REEP3: variants seen among roughly 807,000 people sequenced by gnomAD.
The protein encoded by REEP3 is receptor expression-enhancing protein 3.
REEP3 carries 20 observed loss-of-function variants against 41.3 expected under a neutral mutation model. That is an observed-to-expected ratio of 0.48 (90% CI 0.34 to 0.70). The LOEUF (loss-of-function observed/expected upper bound fraction) is 0.70, where lower values mean the gene tolerates loss of function less well. Ranked by LOEUF, REEP3 falls within the 30% of genes least tolerant of loss-of-function variation. The pLI is 0.01. For missense variants in REEP3, 271 were observed against 308.8 expected (o/e 0.88, Z 0.92); for synonymous variants, 104 against 101.8 (o/e 1.02, Z -0.13).
Position 63,571,670 on chromosome 10 carries a change from C to T in REEP3, c.105+5260C>T, listed in dbSNP as rs566209953. Among the ~76,000 whole-genome samples the T allele has an allele frequency of 9.2e-5, 14 of 152,326 alleles. 1 individual carries two copies. The South Asian group carries it at 2.7e-3, about 29-fold the overall frequency. On this transcript the variant is annotated intron_variant, in intron 2 of 7. Transcript: ENST00000373758. ...ATTTCTCCTTTACGGTGTAACCTAA[C>T]ATACTCAGTTTCCAGAGATTAAGAC...
In REEP3 at chr10:63,619,896, G is replaced by T; in HGVS notation, c.711+96G>T. 5 of 724,530 alleles carry T rather than the reference G, an allele frequency of 6.9e-6. No individual in the cohort carries two copies. In the South Asian group the frequency reaches 8.6e-5, roughly 12 times the overall value. 44.9% of individuals were successfully genotyped at this position (724,530 alleles called of 1,614,324 possible). A position where few individuals can be genotyped will look rare whatever the true frequency, so the allele number is the denominator to read the frequency against. Reference sequence around the variant, plus strand: ...ATTAATGATCCATAAATGAAGGATTGGAATGGTAGAACAGCAGTTTGATTT... The same window carrying T: ...ATTAATGATCCATAAATGAAGGATTTGAATGGTAGAACAGCAGTTTGATTT... On this transcript the variant is annotated intron_variant, in intron 7 of 7. Transcript: ENST00000373758.
intron 1 of REEP3, among the ~76,000 whole-genome samples, chr10:63,555,086 A>G (rs1955664996): frequency 6.6e-6 from 1 of 152,214 alleles, no homozygotes; most frequent in African/African-American, 2.4e-5. Flanking sequence ...TGTAGCTCCA[A>G]TTTAGCTAAG....
chr10:63,536,800 T>C (rs1004619817), intron 1 of REEP3, among the ~76,000 whole-genome samples: 1 of 152,196 alleles, frequency 6.6e-6, no homozygotes, highest in East Asian at 1.9e-4. Context: ...TACAACCACA[T>C]TGAAATTCCA....
intron 1 of REEP3, among the ~76,000 whole-genome samples, chr10:63,533,137 G>C (rs1283226812): frequency 6.6e-6 from 1 of 152,180 alleles, no homozygotes; most frequent in Non-Finnish European, 1.5e-5. Context: ...GAGGCATAAA[G>C]GCAGGGTAGA....
intron 1 of REEP3, among the ~76,000 whole-genome samples, chr10:63,538,539 G>C (rs1422728690): frequency 6.6e-6 from 1 of 152,120 alleles, no homozygotes; most frequent in Non-Finnish European, 1.5e-5. Context: ...TTCAAGATCA[G>C]CCTGGCCAAC....
intron 1 of REEP3, among the ~76,000 whole-genome samples, chr10:63,525,691 T>C (rs1030945258): frequency 5.3e-5 from 8 of 152,214 alleles, no homozygotes; most frequent in Non-Finnish European, 8.8e-5. Flanking sequence ...AGTGCTGGGA[T>C]TACAGGCATG....
chr10:63,528,207 G>A (rs1955384954), intron 1 of REEP3, among the ~76,000 whole-genome samples: 1 of 152,126 alleles, frequency 6.6e-6, no homozygotes, highest in South Asian at 2.1e-4. Context: ...GGAAACATCT[G>A]AAAGTCAGAC....
intron 2 of REEP3, among the ~76,000 whole-genome samples, chr10:63,572,628 A>C (rs977858423): frequency 6.6e-6 from 1 of 152,146 alleles, no homozygotes; most frequent in African/African-American, 2.4e-5. Flanking sequence ...TGTTTTATAC[A>C]TGGTATTTTC....
At chr10:63,537,662 G>A (rs1305211862) in intron 1 of REEP3, among the ~76,000 whole-genome samples, 2 of 152,164 alleles carry the variant, frequency 1.3e-5, no homozygotes, top group South Asian at 2.1e-4. Flanking sequence ...AGGTAGCAAC[G>A]GAAAGGAGAG....
At chr10:63,608,339 T>C (rs1004304577) in intron 5 of REEP3, among the ~76,000 whole-genome samples, 4 of 152,362 alleles carry the variant, frequency 2.6e-5, no homozygotes, top group African/African-American at 9.6e-5. Context: ...AAAAATATGG[T>C]AGAAATACGC....
chr10:63,554,792 C>G (rs1337648029), intron 1 of REEP3, among the ~76,000 whole-genome samples: 4 of 152,188 alleles, frequency 2.6e-5, no homozygotes, highest in Non-Finnish European at 4.4e-5. Context: ...CTGTGGTACT[C>G]TACCCACAGG....
At chr10:63,615,137 T>G (rs1221989657) in intron 6 of REEP3, among the ~76,000 whole-genome samples, 1 of 152,214 alleles carries the variant, frequency 6.6e-6, no homozygotes, top group African/African-American at 2.4e-5. Context: ...TTTTTAAATG[T>G]ATATACATAA....
At chr10:63,580,222 A>G (rs1955939305) in intron 2 of REEP3, among the ~76,000 whole-genome samples, 1 of 151,986 alleles carries the variant, frequency 6.6e-6, no homozygotes, top group African/African-American at 2.4e-5. Flanking sequence ...CACAGCCTCA[A>G]CCTCCTGGGC....
At chr10:63,549,761 T>A (rs1955611124) in intron 1 of REEP3, among the ~76,000 whole-genome samples, 1 of 152,166 alleles carries the variant, frequency 6.6e-6, no homozygotes, top group Admixed American at 6.5e-5. Context: ...TGTTGGAATG[T>A]TAGGGTACAG....
chr10:63,579,596 A>G (rs756623149), intron 2 of REEP3, among the ~76,000 whole-genome samples: 30 of 152,350 alleles, frequency 2.0e-4, no homozygotes, highest in African/African-American at 6.5e-4. Flanking sequence ...TTAGCTTCCA[A>G]TGAAAATGCT....
chr10:63,557,400 A>G (rs1033044050), intron 1 of REEP3, among the ~76,000 whole-genome samples: 3 of 152,196 alleles, frequency 2.0e-5, no homozygotes, highest in African/African-American at 7.2e-5. Flanking sequence ...AATAAATGTT[A>G]TATGTATAAC....
At chr10:63,549,974 C>G (rs1745110031) in intron 1 of REEP3, among the ~76,000 whole-genome samples, 1 of 152,160 alleles carries the variant, frequency 6.6e-6, no homozygotes, top group Admixed American at 6.5e-5. Flanking sequence ...AGAGGCTGGC[C>G]AGCAAGGGGT....
At chr10:63,601,334 A>C (rs935863461) in intron 5 of REEP3, among the ~76,000 whole-genome samples, 1 of 152,180 alleles carries the variant, frequency 6.6e-6, no homozygotes, top group African/African-American at 2.4e-5. Context: ...AAATTTCTTA[A>C]TTCTAGGCAT....
chr10:63,583,803 A>G (rs918996653), intron 2 of REEP3, among the ~76,000 whole-genome samples: 2 of 152,224 alleles, frequency 1.3e-5, no homozygotes, highest in African/African-American at 4.8e-5. Flanking sequence ...TCCCAAATAA[A>G]TCAATAGAAC....
Sources: allele counts gnomAD v4.1 joint callset (sites outside exome capture counted in the v4.1 genomes callset), GRCh38; gene constraint gnomAD v4.1.1; transcripts MANE v1.5; gene names NCBI Gene and HGNC (gene_info 2026-07-23, HGNC 2026-07-21).